Variants in MAP3K3 observed in about 807,000 individuals in gnomAD.
MAP3K3 encodes mitogen-activated protein kinase kinase kinase 3.
Under a neutral mutation model 80.9 loss-of-function variants are expected in MAP3K3, and 12 were observed. The observed-to-expected ratio is 0.15, with a 90% CI of 0.10 to 0.24. MAP3K3 has a LOEUF of 0.24. Among genes scored for constraint, MAP3K3 ranks in the 10% least tolerant of loss-of-function variants. The pLI, the probability that MAP3K3 is intolerant of heterozygous loss-of-function variation, is 1.00. For synonymous variants in MAP3K3, 272 were observed against 307.1 expected (o/e 0.89, Z 1.19); for missense variants, 596 against 834.7 (o/e 0.71, Z 3.52).
intron 2 of MAP3K3, among the ~76,000 whole-genome samples, chr17:63,644,144 G>A (rs1355130629): frequency 6.6e-6 from 1 of 152,050 alleles, no homozygotes; most frequent in South Asian, 2.1e-4. Context: ...CTCAATAAAC[G>A]TTAGCTATTA....
At chr17:63,636,697 A>T (rs972957140) in intron 2 of MAP3K3, 11 of 266,252 alleles carry the variant, frequency 4.1e-5, no homozygotes, top group Non-Finnish European at 8.4e-5. Context: ...CCCAGCCAAG[A>T]AGGCAGCCAC....
In MAP3K3 at chr17:63,692,074, C is replaced by T. The variant is rs1568157424; in HGVS notation, c.1475-168C>T. ...GGGCCTTGGAGATGGTCATTTTGTG[C>T]GGTAGATCTGAGACTCCCCTTTGCT... On this transcript the variant is annotated intron_variant, in intron 14 of 15. Transcript: ENST00000361733. The surrounding 1 kb of genome is among the most constrained non-coding windows in gnomAD (Gnocchi z 4.5). Among the ~76,000 whole-genome samples the T allele has an allele frequency of 6.6e-6, 1 of 152,134 alleles. No homozygotes were observed. The highest frequency in any genetic ancestry group is 1.5e-5 in the Non-Finnish European group (1 of 68,040).
intron 1 of MAP3K3, 120 bp from the exon 2 acceptor site, chr17:63,632,561 G>C (rs1216505241): frequency 8.9e-7 from 1 of 1,122,358 alleles, no homozygotes; most frequent in Non-Finnish European, 1.3e-6. Context: ...TCTGATTATA[G>C]TTACAGGGTC....
intron 3 of MAP3K3, among the ~76,000 whole-genome samples, chr17:63,647,656 GC>G (rs2034566294): frequency 6.6e-6 from 1 of 152,150 alleles, no homozygotes; most frequent in Non-Finnish European, 1.5e-5. Context: ...TTTTTACGGA[GC>G]TGTTTTCAGG....
chr17:63,635,518 A>G lies in MAP3K3; in HGVS notation c.126+2716A>G, dbSNP rs145429506. ...TGTAGCAGATGTTTTGCTTCTGACC[A>G]AGAGGGATATTCTTCAGCAAAATTC... On this transcript the variant is annotated intron_variant, in intron 2 of 15. Transcript: ENST00000361733. Among the ~76,000 whole-genome samples, 1,294 of 152,346 alleles carry G rather than the reference A, an allele frequency of 8.5e-3. 21 individuals carry two copies. Among genetic ancestry groups the G allele is most frequent in the African/African-American group, 0.029 (1,219 of 41,574 alleles).
intron 6 of MAP3K3, among the ~76,000 whole-genome samples, chr17:63,675,871 G>A (rs942564799): frequency 1.3e-5 from 2 of 152,204 alleles, no homozygotes; most frequent in East Asian, 1.9e-4. Flanking sequence ...TGTGCTTTGG[G>A]CTGTCTGGCT....
At position 63,691,348 on chromosome 17, in the gene MAP3K3, A is replaced by G. The variant is rs2035586855; in HGVS notation, c.1344+115A>G. On this transcript the variant is annotated intron_variant, in intron 13 of 15. Coordinates refer to ENST00000361733, the MANE Select transcript of MAP3K3 (RefSeq NM_002401.5). This position sits in a 1 kb window ranked among gnomAD's most constrained non-coding sequence, Gnocchi z 4.8. ...GGAGTTTGAACACCTGAGGCTCCAGAGGCCCAGAGGAGCAAAGTGAGGTGA... is the reference window on the plus strand; with the variant it reads ...GGAGTTTGAACACCTGAGGCTCCAGGGGCCCAGAGGAGCAAAGTGAGGTGA... 6.9e-7 allele frequency: 1 copy of G among 1,440,690 alleles called. No homozygotes were observed. The highest frequency in any genetic ancestry group is 9.5e-7 in the Non-Finnish European group (1 of 1,048,166). The allele number at this position is 1,440,690 out of a possible 1,614,324, so 89.2% of individuals were successfully genotyped here.
chr17:63,667,137 TTAAA>T, intron 6 of MAP3K3, 77 bp downstream of exon 6: 1 of 1,424,030 alleles, frequency 7.0e-7, no homozygotes, highest in East Asian at 2.4e-5. Flanking sequence ...TATTTGTTAA[TTAAA>T]TAATCATCAA....
intron 3 of MAP3K3, among the ~76,000 whole-genome samples, chr17:63,648,849 G>A (rs772796223): frequency 3.9e-5 from 6 of 151,996 alleles, no homozygotes; most frequent in Non-Finnish European, 8.8e-5. Context: ...GTCTCAATGG[G>A]TTTCCTAGTG....
Position 63,689,836 on chromosome 17 carries a change from G to C in MAP3K3, c.1063+101G>C. ...CCTGGGACCCTTAGGCTCAGCAGGT[G>C]GTGGCTTTGGCCCAAATGCACCACA... is the stretch of plus-strand genomic sequence containing the variant. On this transcript the variant is annotated intron_variant, in intron 11 of 15. Coordinates refer to ENST00000361733, the MANE Select transcript of MAP3K3 (RefSeq NM_002401.5). The surrounding 1 kb of genome is among the most constrained non-coding windows in gnomAD (Gnocchi z 4.3). 1 of 1,223,166 alleles carries C rather than the reference G, an allele frequency of 8.2e-7. No homozygotes were observed. Among genetic ancestry groups the C allele is most frequent in the Non-Finnish European group, 1.1e-6 (1 of 887,626 alleles). 75.8% of individuals were successfully genotyped at this position (1,223,166 alleles called of 1,614,324 possible). A position where few individuals can be genotyped will look rare whatever the true frequency, so the allele number is the denominator to read the frequency against.
intron 3 of MAP3K3, among the ~76,000 whole-genome samples, chr17:63,647,103 T>C (rs2143301079): frequency 6.6e-6 from 1 of 152,344 alleles, no homozygotes; most frequent in East Asian, 1.9e-4. Context: ...ACTTTGCAGC[T>C]GGCTCCAGAG....
rs573652685 is a variant in MAP3K3 at position 63,648,275 on chromosome 17, A to C, written c.167+2201A>C. Among the ~76,000 whole-genome samples, 9 of 152,278 alleles carry C rather than the reference A, an allele frequency of 5.9e-5. No homozygotes were observed. In the South Asian group the frequency reaches 1.9e-3, roughly 32 times the overall value. ...TGCTAGGCCAAATGCAGAAGAATTTATCTCTGATCATGATCCTTTTTCAAT... is the reference window on the plus strand; with the variant it reads ...TGCTAGGCCAAATGCAGAAGAATTTCTCTCTGATCATGATCCTTTTTCAAT... On this transcript the variant is annotated intron_variant, in intron 3 of 15. Transcript: ENST00000361733.
intron 3 of MAP3K3, among the ~76,000 whole-genome samples, chr17:63,650,849 A>G (rs2034641339): frequency 6.6e-6 from 1 of 151,710 alleles, no homozygotes; most frequent in Admixed American, 6.6e-5. Flanking sequence ...GTACTATCAC[A>G]CCTGGCTAAT....
At chr17:63,658,378 A>G (rs1018798672) in intron 5 of MAP3K3, among the ~76,000 whole-genome samples, 15 of 152,144 alleles carry the variant, frequency 9.9e-5, no homozygotes, top group Admixed American at 6.5e-5. Context: ...GGAAAAAGCC[A>G]TGGGTTGGGG....
At chr17:63,669,804 T>G (rs2035068486) in intron 6 of MAP3K3, among the ~76,000 whole-genome samples, 2 of 152,202 alleles carry the variant, frequency 1.3e-5, no homozygotes, top group South Asian at 4.1e-4. Flanking sequence ...GTTCATTCAT[T>G]CAAAAGATAA....
At position 63,691,285 on chromosome 17, in the gene MAP3K3, G is replaced by A. The variant is rs777542015; in HGVS notation, c.1344+52G>A. On this transcript the variant is annotated intron_variant, in intron 13 of 15. Transcript: ENST00000361733. The surrounding 1 kb of genome is among the most constrained non-coding windows in gnomAD (Gnocchi z 4.8). ...ACACACACAAAAGAGGGCCTGACCT[G>A]GGGGCTGGGGCCTGCAGGAGGGGGG... is the stretch of plus-strand genomic sequence containing the variant. 1.2e-6 allele frequency: 2 copies of A among 1,610,784 alleles called. No homozygotes were observed. Among genetic ancestry groups the A allele is most frequent in the Admixed American group, 1.7e-5 (1 of 59,960 alleles).
At chr17:63,649,391 C>G (rs537329428) in intron 3 of MAP3K3, among the ~76,000 whole-genome samples, 1 of 150,442 alleles carries the variant, frequency 6.6e-6, no homozygotes, top group Non-Finnish European at 1.5e-5. Flanking sequence ...GAGCCGAGAT[C>G]GTGCCACTTC....
intron 2 of MAP3K3, among the ~76,000 whole-genome samples, chr17:63,643,654 C>G (rs1304130068): frequency 1.3e-5 from 2 of 152,130 alleles, no homozygotes; most frequent in African/African-American, 4.8e-5. Context: ...AGAGCTACAG[C>G]AAGGTATGCT....
intron 2 of MAP3K3, among the ~76,000 whole-genome samples, chr17:63,640,399 T>C (rs1008363167): frequency 2.6e-5 from 4 of 151,850 alleles, no homozygotes; most frequent in Admixed American, 1.3e-4. Context: ...ACCTCAAGAG[T>C]GTGTGAGGTA....
Sources: gnomAD v4.1 joint callset for allele counts (sites outside exome capture counted in the v4.1 genomes callset) on GRCh38, gnomAD v4.1.1 for gene constraint, Gnocchi (gnomAD v3.1) non-coding constraint, MANE v1.5 for transcripts, NCBI Gene and HGNC (gene_info 2026-07-23, HGNC 2026-07-21) for gene names.